Variants in RERE observed in about 807,000 individuals in gnomAD.
RERE encodes the protein arginine-glutamic acid dipeptide repeats.
In RERE, 40 loss-of-function variants were observed where a neutral mutation model predicts 146.1. The observed-to-expected ratio is 0.27, with a 90% CI of 0.21 to 0.36. The LOEUF (loss-of-function observed/expected upper bound fraction) is 0.36, where lower values mean the gene tolerates loss of function less well. Among genes scored for constraint, RERE ranks in the 10% least tolerant of loss-of-function variants. The probability of loss-of-function intolerance (pLI) is 1.00; values close to 1 mark genes in which losing one functional copy is unlikely to be tolerated. For synonymous variants in RERE, 1,003 were observed against 866.0 expected, an observed-to-expected ratio of 1.16 and a Z score of -2.78; for missense variants, 1,933 against 2,138.7, an observed-to-expected ratio of 0.90 and a Z score of 1.90.
At chr1:8,690,309 T>A (rs948160808) in intron 1 of RERE, among the ~76,000 whole-genome samples, 3 of 152,200 alleles carry the variant, frequency 2.0e-5, no homozygotes, top group African/African-American at 7.2e-5. Flanking sequence ...AGGACACTAA[T>A]CACATCATGA....
At chr1:8,445,748 T>C (rs1053763255) in intron 11 of RERE, among the ~76,000 whole-genome samples, 2 of 151,996 alleles carry the variant, frequency 1.3e-5, no homozygotes, top group East Asian at 1.9e-4. Flanking sequence ...AGTTTACACG[T>C]ACCATGGTGG....
chr1:8,674,097 T>G (rs2124380059), intron 1 of RERE, among the ~76,000 whole-genome samples: 1 of 152,322 alleles, frequency 6.6e-6, no homozygotes, highest in African/African-American at 2.4e-5. Context: ...TTCTTTGGTA[T>G]TATTTAGCTC....
At chr1:8,756,723 C>T (rs1386130981) in intron 1 of RERE, among the ~76,000 whole-genome samples, 2 of 152,150 alleles carry the variant, frequency 1.3e-5, no homozygotes, top group Admixed American at 6.5e-5. Flanking sequence ...TGAAAACATG[C>T]AATTATATTA....
chr1:8,626,503 G>C (rs564685021), intron 2 of RERE, among the ~76,000 whole-genome samples: 1 of 152,120 alleles, frequency 6.6e-6, no homozygotes, highest in Non-Finnish European at 1.5e-5. Context: ...CCAACCCAAA[G>C]GGCATCAGCC....
chr1:8,671,554 T>C (rs1256252854), intron 1 of RERE, among the ~76,000 whole-genome samples: 1 of 152,226 alleles, frequency 6.6e-6, no homozygotes, highest in African/African-American at 2.4e-5. Flanking sequence ...CAGGTCCTTC[T>C]GGGCTAACGA....
chr1:8,718,096 T>A (rs896947683), intron 1 of RERE, among the ~76,000 whole-genome samples: 2 of 152,218 alleles, frequency 1.3e-5, no homozygotes, highest in African/African-American at 4.8e-5. Context: ...GTCAGAAACA[T>A]CTGTTTTACC....
At chr1:8,761,370 C>A (rs1209548417) in intron 1 of RERE, among the ~76,000 whole-genome samples, 1 of 152,164 alleles carries the variant, frequency 6.6e-6, no homozygotes, top group Non-Finnish European at 1.5e-5. Flanking sequence ...TTAAATATTT[C>A]CATCTGCCTA....
At position 8,366,068 on chromosome 1, in the gene RERE, C is replaced by T. The variant is rs902245160; in HGVS notation, c.1285-94G>A. ...CCACAGTGGAAAGCTGGGTGTTTAA[C>T]AGCTGTGCCAGAGATGAGAATAAAG... On this transcript the variant is annotated intron_variant, in intron 12 of 22. Transcript: ENST00000400908. 3.1e-5 allele frequency: 39 copies of T among 1,266,120 alleles called. No homozygotes were observed. The East Asian group carries it at 9.2e-4, about 30-fold the overall frequency. 78.4% of individuals were successfully genotyped at this position (1,266,120 alleles called of 1,614,324 possible).
intron 1 of RERE, among the ~76,000 whole-genome samples, chr1:8,768,159 T>A (rs367550512): frequency 6.6e-6 from 1 of 152,182 alleles, no homozygotes; most frequent in Non-Finnish European, 1.5e-5. Flanking sequence ...CTTAGTAGCA[T>A]AATGACTTTC....
At chr1:8,420,578 C>T (rs1643896741) in intron 12 of RERE, among the ~76,000 whole-genome samples, 1 of 152,202 alleles carries the variant, frequency 6.6e-6, no homozygotes, top group East Asian at 1.9e-4. Flanking sequence ...CAGATTTACC[C>T]TACTACCAAA....
chr1:8,354,885 G>GAGAT lies in RERE; in HGVS notation c.*198_*201dup. The GAGAT allele has an allele frequency of 1.7e-6, 1 of 594,228 alleles. No individual in the cohort carries two copies. The highest frequency in any genetic ancestry group is 3.0e-6 in the Non-Finnish European group (1 of 338,812). The allele number at this position is 594,228 out of a possible 1,614,324, so 36.8% of individuals were successfully genotyped here. A position where few individuals can be genotyped will look rare whatever the true frequency, so the allele number is the denominator to read the frequency against. Reference sequence around the variant, plus strand: ...AGTTTCTGGGGGACTGTCATGCAGGGAGATCCAAACCAGTCTCAGGAAATC... The same window carrying GAGAT: ...AGTTTCTGGGGGACTGTCATGCAGGGAGATAGATCCAAACCAGTCTCAGGAAATC... On this transcript the variant is annotated 3_prime_UTR_variant, in exon 23 of 23. Coordinates refer to ENST00000400908, the MANE Select transcript of RERE (RefSeq NM_001042681.2).
intron 11 of RERE, among the ~76,000 whole-genome samples, chr1:8,448,530 G>A (rs570258358): frequency 2.2e-4 from 33 of 152,286 alleles, no homozygotes; most frequent in Non-Finnish European, 3.5e-4. Flanking sequence ...AGGCCGAGGC[G>A]GGTGGATCAC....
chr1:8,361,108 A>G lies in RERE; in HGVS notation c.2399T>C (p.Ile800Thr). Reference protein sequence around the residue: ...APTAPVPHTHIQQAPALHPQR... With the variant: ...APTAPVPHTHTQQAPALHPQR... ...GGGGTGCAAGGCCGGTGCCTGTTGG[A>G]TGTGGGTGTGGGGAACAGGCGCTGT... The change falls in exon 18 of 23, where the codon ATC becomes ACC. Residue 800 changes from isoleucine (I) to threonine (T), a missense_variant. Coordinates refer to ENST00000400908, the MANE Select transcript of RERE (RefSeq NM_001042681.2). 7.0e-7 allele frequency: 1 copy of G among 1,438,584 alleles called. No individual in the cohort carries two copies. The highest frequency in any genetic ancestry group is 9.1e-7 in the Non-Finnish European group (1 of 1,100,602). 89.1% of individuals were successfully genotyped at this position (1,438,584 alleles called of 1,614,324 possible).
rs201715126 is a variant in RERE at position 8,454,829 on chromosome 1, A to AC, written c.1203+11095_1203+11096insG. 7.0e-3 allele frequency among the ~76,000 whole-genome samples: 1,054 copies of AC among 151,634 alleles called. 10 individuals are homozygous for AC. The highest frequency in any genetic ancestry group is 0.024 in the African/African-American group (995 of 41,184). Reference sequence around the variant, plus strand: ...CAAACAAACAAACAAACAAACAACAAAAAAAAACCCCCACAAAACTGAAGA... The same window carrying AC: ...CAAACAAACAAACAAACAAACAACAACAAAAAAACCCCCACAAAACTGAAGA... On this transcript the variant is annotated intron_variant, in intron 11 of 22. Coordinates refer to ENST00000400908, the MANE Select transcript of RERE (RefSeq NM_001042681.2).
At position 8,536,317 on chromosome 1, in the gene RERE, G is replaced by T. The variant is rs576224259; in HGVS notation, c.830+4897C>A. Among the ~76,000 whole-genome samples, 16 of 152,116 alleles carry T rather than the reference G, an allele frequency of 1.1e-4. No homozygotes were observed. In the South Asian group the frequency reaches 3.3e-3, roughly 32 times the overall value. On this transcript the variant is annotated intron_variant, in intron 7 of 22. Transcript: ENST00000400908. ...GACACGAGGATTAAGTAGCAGCACGGGACTAGAACCCAGGCCACCCAGATC... is the reference window on the plus strand; with the variant it reads ...GACACGAGGATTAAGTAGCAGCACGTGACTAGAACCCAGGCCACCCAGATC...
Position 8,745,936 on chromosome 1 carries a change from CA to C in RERE, c.-145+71223del, listed in dbSNP as rs1460235624. ...ATTAAAAATTAGCCAAGCATGGCAG[CA>C]CATGCCTGTGGTCCCAGCTACTCGA... On this transcript the variant is annotated intron_variant, in intron 1 of 22. Coordinates refer to ENST00000400908, the MANE Select transcript of RERE (RefSeq NM_001042681.2). 2.0e-5 allele frequency among the ~76,000 whole-genome samples: 3 copies of C among 152,254 alleles called. No individual in the cohort carries two copies. The East Asian group carries it at 5.8e-4, about 29-fold the overall frequency.
At chr1:8,458,955 T>C (rs1644488566) in intron 11 of RERE, among the ~76,000 whole-genome samples, 1 of 152,254 alleles carries the variant, frequency 6.6e-6, no homozygotes, top group Admixed American at 6.5e-5. Context: ...TAAAAATACA[T>C]TTCTCTTTAG....
chr1:8,529,455 A>G (rs1051174767), intron 7 of RERE, among the ~76,000 whole-genome samples: 1 of 103,812 alleles, frequency 9.6e-6, no homozygotes, highest in African/African-American at 3.7e-5. Flanking sequence ...ACACCCAACT[A>G]AATTTTTTAA....
intron 1 of RERE, among the ~76,000 whole-genome samples, chr1:8,693,423 G>A (rs1217826661): frequency 6.6e-6 from 1 of 152,194 alleles, no homozygotes; most frequent in African/African-American, 2.4e-5. Context: ...AAAAAGTAGT[G>A]AGCTATCATG....
Sources: allele counts gnomAD v4.1 joint callset (sites outside exome capture counted in the v4.1 genomes callset), GRCh38; gene constraint gnomAD v4.1.1; transcripts MANE v1.5; gene names NCBI Gene and HGNC (gene_info 2026-07-23, HGNC 2026-07-21).